Variants in ASAP2 observed in about 807,000 individuals in gnomAD.
ASAP2 encodes arf-GAP with SH3 domain, ANK repeat and PH domain-containing protein 2.
Under a neutral mutation model 131.4 loss-of-function variants are expected in ASAP2, and 45 were observed. The observed-to-expected ratio is 0.34, with a 90% confidence interval of 0.27 to 0.44. The LOEUF is 0.44. Ranked by LOEUF, ASAP2 falls within the 20% of genes least tolerant of loss-of-function variation. The probability of loss-of-function intolerance (pLI) is 1.00; values close to 1 mark genes in which losing one functional copy is unlikely to be tolerated. For missense variants in ASAP2, 1,011 were observed against 1,297.0 expected, an observed-to-expected ratio of 0.78 and a Z score of 3.39; for synonymous variants, 510 against 503.0, an observed-to-expected ratio of 1.01 and a Z score of -0.19.
chr2:9,280,167 G>C (rs1159234582), intron 2 of ASAP2, among the ~76,000 whole-genome samples: 1 of 152,162 alleles, frequency 6.6e-6, no homozygotes, highest in Non-Finnish European at 1.5e-5. Flanking sequence ...GTGGGAGGAG[G>C]AGGGGCCTGG....
intron 2 of ASAP2, among the ~76,000 whole-genome samples, chr2:9,283,077 T>C (rs1048668507): frequency 6.6e-6 from 1 of 152,212 alleles, no homozygotes; most frequent in African/African-American, 2.4e-5. Context: ...AGATTCTTTT[T>C]TTTTTCCTCT....
intron 12 of ASAP2, among the ~76,000 whole-genome samples, chr2:9,351,259 C>G (rs765271326): frequency 6.6e-6 from 1 of 152,216 alleles, no homozygotes; most frequent in Non-Finnish European, 1.5e-5. Context: ...TTTTCAAGAA[C>G]TTACATAATT....
At chr2:9,338,071 C>T (rs1047657197) in intron 9 of ASAP2, among the ~76,000 whole-genome samples, 7 of 152,218 alleles carry the variant, frequency 4.6e-5, no homozygotes, top group South Asian at 2.1e-4. Context: ...CCCCATCCCA[C>T]GTCGTCCATC....
intron 1 of ASAP2, among the ~76,000 whole-genome samples, chr2:9,242,119 A>T (rs1558259543): frequency 6.6e-6 from 1 of 152,084 alleles, no homozygotes; most frequent in East Asian, 1.9e-4. Context: ...CTTGGAAGAG[A>T]GGGGGGAGGT....
rs1304849745 is a variant in ASAP2, at chr2:9,215,878, TC to T, written c.126+8650del. On this transcript the variant is annotated intron_variant, in intron 1 of 27. Transcript: ENST00000281419. ...GGGAGCCATCCACTGTGGTTTTACA[TC>T]CGTGGGGTGCCCTCTGTTCTTTCAG... Among the ~76,000 whole-genome samples, 31 of 152,284 alleles carry T rather than the reference TC, an allele frequency of 2.0e-4. No homozygotes were observed. The East Asian group carries it at 6.0e-3, about 29-fold the overall frequency.
At position 9,260,764 on chromosome 2, in the gene ASAP2, T is replaced by C. The variant is rs532508604; in HGVS notation, c.127-18553T>C. Among the ~76,000 whole-genome samples the C allele has an allele frequency of 6.4e-4, 98 of 152,264 alleles. 1 individual carries two copies. The highest frequency in any genetic ancestry group is 2.1e-3 in the African/African-American group (89 of 41,540). On this transcript the variant is annotated intron_variant, in intron 1 of 27. Transcript: ENST00000281419. ...GAAACAGGAACTGAGAAGTTGAAGATGGAGAAATGAAAGACTAAAGATAGC... is the reference window on the plus strand; with the variant it reads ...GAAACAGGAACTGAGAAGTTGAAGACGGAGAAATGAAAGACTAAAGATAGC...
chr2:9,327,699 C>T (rs1670568382), intron 6 of ASAP2, 127 bp from the exon 7 acceptor site: 5 of 611,200 alleles, frequency 8.2e-6, no homozygotes, highest in Middle Eastern at 5.0e-4. Flanking sequence ...TACTAAGTGT[C>T]GATCATGCAC....
chr2:9,234,110 CAAAAA>C (rs70948810), intron 1 of ASAP2, among the ~76,000 whole-genome samples: 6 of 76,578 alleles, frequency 7.8e-5, no homozygotes, highest in African/African-American at 3.1e-4. Context: ...AGCTATGTCT[CAAAAA>C]AAAAAAAAAA....
In ASAP2 at chr2:9,311,549, T is replaced by C. The variant is rs1008185143; in HGVS notation, c.346-6975T>C. On this transcript the variant is annotated intron_variant, in intron 3 of 27. Transcript: ENST00000281419. The surrounding 1 kb of genome is among the most constrained non-coding windows in gnomAD (Gnocchi z 5.2). ...CTTGGTGCTAAGGAAAATATTCTGGTTGGGTTACCCAGGGATAATGTAATT... is the reference window on the plus strand; with the variant it reads ...CTTGGTGCTAAGGAAAATATTCTGGCTGGGTTACCCAGGGATAATGTAATT... 2.0e-5 allele frequency among the ~76,000 whole-genome samples: 3 copies of C among 152,192 alleles called. No individual in the cohort carries two copies. Among genetic ancestry groups the C allele is most frequent in the Admixed American group, 6.5e-5 (1 of 15,290 alleles).
Position 9,403,315 on chromosome 2 carries a change from T to G in ASAP2, c.3009T>G (p.Phe1003Leu). The change falls in exon 28 of 28, where the codon TTT (phenylalanine) becomes TTG (leucine). Residue 1003 changes from phenylalanine (F) to leucine (L), a missense_variant. Phe to Leu is a conservative substitution (Grantham distance 22, BLOSUM62 0). This residue lies in a region of ASAP2 where 652 missense variants were observed against 698.9 expected (regional missense o/e 0.93). Coordinates refer to ENST00000281419, the MANE Select transcript of ASAP2 (RefSeq NM_003887.3). ...CATTCCCGGTGTCATTTGTGCACTT[T>G]ATCGCTGACTGAATTGCTACTGAAC... is the stretch of plus-strand genomic sequence containing the variant. ...KGAFPVSFVH[F>L]IAD 1 of 1,614,080 alleles carries G rather than the reference T, an allele frequency of 6.2e-7. No homozygotes were observed. The highest frequency in any genetic ancestry group is 1.1e-5 in the South Asian group (1 of 91,074).
At chr2:9,299,102 T>C (rs1668331149) in intron 3 of ASAP2, among the ~76,000 whole-genome samples, 1 of 152,160 alleles carries the variant, frequency 6.6e-6, no homozygotes, top group African/African-American at 2.4e-5. Context: ...GGCAGGTGTT[T>C]TAGAAAGAGA....
intron 17 of ASAP2, among the ~76,000 whole-genome samples, chr2:9,375,217 A>G (rs1674307361): frequency 1.3e-5 from 2 of 151,946 alleles, no homozygotes; most frequent in South Asian, 4.2e-4. Flanking sequence ...CAGAAATTTG[A>G]AACTCCAGTG....
intron 20 of ASAP2, among the ~76,000 whole-genome samples, chr2:9,382,823 G>A (rs571893029): frequency 1.3e-5 from 2 of 152,338 alleles, no homozygotes; most frequent in South Asian, 2.1e-4. Context: ...TACACCAATT[G>A]TAGTCGCCTG....
At chr2:9,341,204 G>T (rs958599257) in intron 9 of ASAP2, among the ~76,000 whole-genome samples, 1 of 152,094 alleles carries the variant, frequency 6.6e-6, no homozygotes, top group South Asian at 2.1e-4. Flanking sequence ...TGAAAGGGCC[G>T]GTTTTCTCTG....
At chr2:9,242,343 A>G (rs1664033379) in intron 1 of ASAP2, among the ~76,000 whole-genome samples, 1 of 152,190 alleles carries the variant, frequency 6.6e-6, no homozygotes, top group Admixed American at 6.5e-5. Context: ...GGTGCTTGGT[A>G]AATGTTTGTT....
At chr2:9,387,180 T>C (rs55686536) in intron 21 of ASAP2, among the ~76,000 whole-genome samples, 2,730 of 138,222 alleles carry the variant, frequency 0.02, 34 homozygotes, top group Non-Finnish European at 0.028. Flanking sequence ...CGCCACTGCA[T>C]TCCAGCCTGG....
chr2:9,402,865 T>A (rs1214917392), intron 27 of ASAP2, among the ~76,000 whole-genome samples: 1 of 152,226 alleles, frequency 6.6e-6, no homozygotes, highest in Non-Finnish European at 1.5e-5. Flanking sequence ...CTTATACCTT[T>A]GCCACTTTAG....
At chr2:9,309,111 C>G (rs1359057034) in intron 3 of ASAP2, among the ~76,000 whole-genome samples, 1 of 152,142 alleles carries the variant, frequency 6.6e-6, no homozygotes, top group Non-Finnish European at 1.5e-5. Context: ...TGCTCCAAGA[C>G]CACCTTATAA....
rs1056035129 is a variant in ASAP2 at position 9,274,579 on chromosome 2, T to C, written c.127-4738T>C. Among the ~76,000 whole-genome samples the C allele has an allele frequency of 9.9e-5, 15 of 152,252 alleles. No individual in the cohort carries two copies. The East Asian group carries it at 2.9e-3, about 29-fold the overall frequency. ...TTCAAGTAATCCGGCCATCTCGGCCTCCCAAAGTGCTGGGATTACAGGCAT... is the reference window on the plus strand; with the variant it reads ...TTCAAGTAATCCGGCCATCTCGGCCCCCCAAAGTGCTGGGATTACAGGCAT... On this transcript the variant is annotated intron_variant, in intron 1 of 27. Coordinates refer to ENST00000281419, the MANE Select transcript of ASAP2 (RefSeq NM_003887.3).
Sources: allele counts gnomAD v4.1 joint callset (sites outside exome capture counted in the v4.1 genomes callset), GRCh38; gene constraint gnomAD v4.1.1; regional missense constraint gnomAD v4.1.1; non-coding constraint Gnocchi (gnomAD v3.1); transcripts MANE v1.5; gene names NCBI Gene and HGNC (gene_info 2026-07-23, HGNC 2026-07-21).